Variants in STOX1 observed in about 807,000 individuals in gnomAD.
STOX1 encodes the protein storkhead-box protein 1.
A neutral mutation model predicts 74.8 loss-of-function variants in STOX1; 57 were observed. The ratio of observed to expected loss-of-function variants is 0.76; its 90% CI spans 0.62 to 0.95. The LOEUF (loss-of-function observed/expected upper bound fraction) is 0.95. STOX1 is among the 40% of genes least tolerant of loss of function. The probability of loss-of-function intolerance (pLI) is 0.00; values close to 1 mark genes in which losing one functional copy is unlikely to be tolerated. For missense variants in STOX1, 1,010 were observed against 1,117.0 expected (o/e 0.90, Z 1.37); for synonymous variants, 375 against 401.3 (o/e 0.93, Z 0.78).
At chr10:68,846,250 T>A (rs1839853589) in intron 1 of STOX1, among the ~76,000 whole-genome samples, 2 of 151,658 alleles carry the variant, frequency 1.3e-5, no homozygotes, top group African/African-American at 4.8e-5. Flanking sequence ...GGGTTCAAGC[T>A]ATTCTCCTGC....
chr10:68,850,545 T>A (rs1839957774), intron 1 of STOX1, among the ~76,000 whole-genome samples: 1 of 152,250 alleles, frequency 6.6e-6, no homozygotes, highest in Non-Finnish European at 1.5e-5. Context: ...CAGGGCACTT[T>A]GCAAAGACAG....
chr10:68,879,770 C>A (rs1840765280), intron 1 of STOX1, among the ~76,000 whole-genome samples: 1 of 152,106 alleles, frequency 6.6e-6, no homozygotes, highest in Non-Finnish European at 1.5e-5. Context: ...TGTCTGGAGA[C>A]ATTTTTGGTT....
chr10:68,865,161 A>G (rs1460241544), intron 1 of STOX1, among the ~76,000 whole-genome samples: 1 of 152,244 alleles, frequency 6.6e-6, no homozygotes, highest in Admixed American at 6.5e-5. Flanking sequence ...TTTTACGAGT[A>G]GGTTCAATTG....
rs888220497 is a variant in STOX1 at position 68,884,118 on chromosome 10, C to G, written c.464-142C>G. The stretch of plus-strand genomic sequence containing the variant: ...ATAGGCATGAGCCATCACACCCATC[C>G]CTGGCATTTTAATCACATGTATTAT... On this transcript the variant is annotated intron_variant, in intron 2 of 3. Coordinates refer to ENST00000298596, the MANE Select transcript of STOX1 (RefSeq NM_152709.5). 8 of 772,768 alleles carry G rather than the reference C, an allele frequency of 1.0e-5. No homozygotes were observed. In the Admixed American group the frequency reaches 1.1e-4, roughly 11 times the overall value. 47.9% of individuals were successfully genotyped at this position (772,768 alleles called of 1,614,324 possible).
downstream of STOX1, among the ~76,000 whole-genome samples, chr10:68,893,595 T>C (rs191443840): frequency 7.0e-3 from 1,062 of 152,244 alleles, 15 homozygotes; most frequent in African/African-American, 0.024. Context: ...TTTTTTGTAT[T>C]TTTAGTAGAG....
intron 2 of STOX1, among the ~76,000 whole-genome samples, chr10:68,883,222 C>CAA (rs56982685): frequency 2.1e-5 from 3 of 139,924 alleles, no homozygotes; most frequent in African/African-American, 7.9e-5. Flanking sequence ...CTAAAAACTA[C>CAA]AAAAAAAAAA....
Position 68,885,002 on chromosome 10 carries a change from C to A in STOX1, c.1206C>A (p.Ile402=). The change falls in exon 3 of 4, where the codon ATC becomes ATA. Residue 402 remains isoleucine, a synonymous_variant. Transcript: ENST00000298596. Reference sequence around the variant, plus strand: ...GCACTTCCACTGACATGCTGACAATCGGGCATAAGTATCCTTCAAAAGAGG... The same window carrying A: ...GCACTTCCACTGACATGCTGACAATAGGGCATAAGTATCCTTCAAAAGAGG... ...SQGTSTDMLT[I]GHKYPSKEGV... 1 of 1,614,122 alleles carries A rather than the reference C, an allele frequency of 6.2e-7. No individual in the cohort carries two copies. Among genetic ancestry groups the A allele is most frequent in the Non-Finnish European group, 8.5e-7 (1 of 1,180,036 alleles).
At chr10:68,861,860 G>C (rs1264972911) in intron 1 of STOX1, among the ~76,000 whole-genome samples, 1 of 152,078 alleles carries the variant, frequency 6.6e-6, no homozygotes, top group Non-Finnish European at 1.5e-5. Flanking sequence ...AAAGTTTGTA[G>C]AGTGTCCTTC....
chr10:68,873,240 T>G (rs1379870702), intron 1 of STOX1, among the ~76,000 whole-genome samples: 1 of 148,698 alleles, frequency 6.7e-6, no homozygotes, highest in East Asian at 2.0e-4. Flanking sequence ...TTTAGGGGCC[T>G]GTGCCCAAAC....
At chr10:68,873,688 G>A (rs545551199) in intron 1 of STOX1, among the ~76,000 whole-genome samples, 11 of 117,240 alleles carry the variant, frequency 9.4e-5, no homozygotes, top group African/African-American at 3.4e-4. Flanking sequence ...ACGGAGTCTC[G>A]CTTTGTCGCC....
chr10:68,889,009 G>T (rs1841036611), intron 3 of STOX1, among the ~76,000 whole-genome samples: 1 of 151,160 alleles, frequency 6.6e-6, no homozygotes, highest in African/African-American at 2.4e-5. Context: ...TTGAGACAGG[G>T]TTGCAGTCTG....
At chr10:68,858,912 CAT>C (rs1840193281) in intron 1 of STOX1, among the ~76,000 whole-genome samples, 1 of 152,070 alleles carries the variant, frequency 6.6e-6, no homozygotes, top group South Asian at 2.1e-4. Context: ...TAGCACTACA[CAT>C]GTTTTATCTC....
downstream of STOX1, chr10:68,893,207 A>G (rs183646900): frequency 5.7e-6 from 1 of 175,234 alleles, no homozygotes; most frequent in Non-Finnish European, 1.2e-5. Context: ...CAAGATATCT[A>G]TGCAACCCTA....
In STOX1 at chr10:68,865,931, A is replaced by G. The variant is rs569786235; in HGVS notation, c.311-16027A>G. 2.5e-3 allele frequency among the ~76,000 whole-genome samples: 374 copies of G among 152,138 alleles called. 1 individual carries two copies. Among genetic ancestry groups the G allele is most frequent in the African/African-American group, 6.6e-3 (273 of 41,506 alleles). On this transcript the variant is annotated intron_variant, in intron 1 of 3. Coordinates refer to ENST00000298596, the MANE Select transcript of STOX1 (RefSeq NM_152709.5). ...CTTGTCTGTCAGCCATTTTAACGGG[A>G]TAGGATCTGGAGGCTTAACAATGGC... is the stretch of plus-strand genomic sequence containing the variant.
chr10:68,878,579 A>G (rs1840736593), intron 1 of STOX1, among the ~76,000 whole-genome samples: 1 of 152,242 alleles, frequency 6.6e-6, no homozygotes, highest in Non-Finnish European at 1.5e-5. Context: ...AGAAGCAGAC[A>G]GCAATTCTAC....
intron 1 of STOX1, among the ~76,000 whole-genome samples, chr10:68,829,565 T>G (rs565868933): frequency 1.8e-4 from 28 of 152,080 alleles, no homozygotes; most frequent in African/African-American, 6.0e-4. Context: ...CTTATTTAAT[T>G]TCCAGGGATT....
chr10:68,856,036 A>T (rs1840118450), intron 1 of STOX1, among the ~76,000 whole-genome samples: 1 of 152,084 alleles, frequency 6.6e-6, no homozygotes, highest in African/African-American at 2.4e-5. Flanking sequence ...CTCAGCAGTC[A>T]GTCTGAATTC....
intron 1 of STOX1, among the ~76,000 whole-genome samples, chr10:68,830,636 C>T (rs1448396466): frequency 2.6e-5 from 4 of 152,100 alleles, no homozygotes; most frequent in African/African-American, 9.7e-5. Flanking sequence ...AGCTACCGCG[C>T]CTGACGATTT....
At chr10:68,858,673 G>A (rs1309547291) in intron 1 of STOX1, among the ~76,000 whole-genome samples, 7 of 152,016 alleles carry the variant, frequency 4.6e-5, no homozygotes, top group East Asian at 1.9e-4. Flanking sequence ...GGACACGAGC[G>A]GTTCAGAGGT....
Sources: allele counts gnomAD v4.1 joint callset (sites outside exome capture counted in the v4.1 genomes callset), GRCh38; gene constraint gnomAD v4.1.1; transcripts MANE v1.5; gene names NCBI Gene and HGNC (gene_info 2026-07-23, HGNC 2026-07-21).